The following LYPD6 variants were observed in gnomAD, a reference collection of about 807,000 sequenced individuals.
LYPD6 encodes the protein LY6/PLAUR domain containing 6, also known as ly6/PLAUR domain-containing protein 6.
In LYPD6, 15 loss-of-function variants were observed where a neutral mutation model predicts 22.7. The observed-to-expected ratio is 0.66, with a 90% CI of 0.44 to 1.02. LYPD6 has a LOEUF of 1.02. Among genes scored for constraint, LYPD6 ranks in the 50% least tolerant of loss-of-function variants. The probability of loss-of-function intolerance (pLI) is 0.00; values close to 1 mark genes in which losing one functional copy is unlikely to be tolerated. For missense variants in LYPD6, 189 were observed against 208.4 expected (o/e 0.91, Z 0.57); for synonymous variants, 72 against 77.5 (o/e 0.93, Z 0.37).
At chr2:149,349,635 A>G (rs1681323278) in intron 1 of LYPD6, among the ~76,000 whole-genome samples, 1 of 152,182 alleles carries the variant, frequency 6.6e-6, no homozygotes, top group Non-Finnish European at 1.5e-5. Context: ...GTCCCATTAA[A>G]TTTTTTAACA....
chr2:149,333,840 G>A (rs1680983539), intron 1 of LYPD6, among the ~76,000 whole-genome samples: 1 of 152,170 alleles, frequency 6.6e-6, no homozygotes. Flanking sequence ...ACAGATTGCA[G>A]CATGTAATGA....
At chr2:149,460,151 A>G (rs543827370) in intron 3 of LYPD6, among the ~76,000 whole-genome samples, 222 of 152,288 alleles carry the variant, frequency 1.5e-3, no homozygotes, top group African/African-American at 4.8e-3. Context: ...CAAAAACAAG[A>G]CAGAAAATAA....
chr2:149,360,922 C>G (rs1681560159), intron 1 of LYPD6, among the ~76,000 whole-genome samples: 1 of 152,012 alleles, frequency 6.6e-6, no homozygotes, highest in Non-Finnish European at 1.5e-5. Context: ...CCTGGGACAC[C>G]CTTCATCACC....
chr2:149,389,539 C>T (rs1414760056), intron 1 of LYPD6, among the ~76,000 whole-genome samples: 1 of 152,094 alleles, frequency 6.6e-6, no homozygotes, highest in Non-Finnish European at 1.5e-5. Context: ...CCTGAGGGAA[C>T]ATCTGTGGTT....
At chr2:149,445,248 C>T (rs968468543) in intron 2 of LYPD6, among the ~76,000 whole-genome samples, 5 of 152,156 alleles carry the variant, frequency 3.3e-5, no homozygotes, top group African/African-American at 1.2e-4. Context: ...TGCTGTCATC[C>T]AGGCTTTGTT....
At chr2:149,330,566 C>T (rs1431151319), upstream of LYPD6, 6 of 150,906 alleles carry the variant, frequency 4.0e-5, no homozygotes, top group African/African-American at 9.7e-5. Context: ...AGCCGCCCCC[C>T]GCCTCTCCCC....
At chr2:149,372,311 A>G (rs1681829153) in intron 1 of LYPD6, among the ~76,000 whole-genome samples, 1 of 152,184 alleles carries the variant, frequency 6.6e-6, no homozygotes, top group African/African-American at 2.4e-5. Context: ...CTATAACCGT[A>G]TACTTTGCTT....
At chr2:149,450,270 C>G (rs1683777807) in intron 3 of LYPD6, among the ~76,000 whole-genome samples, 2 of 152,202 alleles carry the variant, frequency 1.3e-5, no homozygotes, top group Admixed American at 1.3e-4. Flanking sequence ...ACCCACATTT[C>G]TGATTCAGTG....
downstream of LYPD6, among the ~76,000 whole-genome samples, chr2:149,475,081 C>G (rs1249004948): frequency 1.3e-5 from 2 of 152,144 alleles, no homozygotes; most frequent in Non-Finnish European, 2.9e-5. Context: ...TATCCCTTTC[C>G]TAACACATTT....
At chr2:149,379,043 T>C (rs755383793) in intron 1 of LYPD6, among the ~76,000 whole-genome samples, 7 of 152,214 alleles carry the variant, frequency 4.6e-5, no homozygotes, top group Non-Finnish European at 1.0e-4. Flanking sequence ...GAAGAAGTTA[T>C]GAATTCACCG....
chr2:149,483,167 C>T, the LYPD6 span, among the ~76,000 whole-genome samples: 1 of 152,188 alleles, frequency 6.6e-6, no homozygotes, highest in Non-Finnish European at 1.5e-5. Context: ...TGTCAGGAGC[C>T]TGCCTTTGTC....
At chr2:149,408,291 T>C (rs1682771241) in intron 1 of LYPD6, among the ~76,000 whole-genome samples, 1 of 152,166 alleles carries the variant, frequency 6.6e-6, no homozygotes, top group African/African-American at 2.4e-5. Context: ...ATTTTCAATA[T>C]GTTTTTCTTT....
At chr2:149,484,293 T>C in the LYPD6 span, among the ~76,000 whole-genome samples, 1 of 152,204 alleles carries the variant, frequency 6.6e-6, no homozygotes, top group Non-Finnish European at 1.5e-5. Context: ...CTGTACCTTA[T>C]TGAAAAATAA....
At chr2:149,351,112 A>G (rs1486997933) in intron 1 of LYPD6, among the ~76,000 whole-genome samples, 1 of 152,218 alleles carries the variant, frequency 6.6e-6, no homozygotes, top group African/African-American at 2.4e-5. Context: ...AAAATAGCCT[A>G]GGCTGGGTAT....
intron 1 of LYPD6, among the ~76,000 whole-genome samples, chr2:149,405,551 G>A (rs2105114634): frequency 6.6e-6 from 1 of 152,284 alleles, no homozygotes; most frequent in South Asian, 2.1e-4. Context: ...TGTGATGGTA[G>A]TTTGTATTTC....
chr2:149,367,035 T>A (rs569528097), intron 1 of LYPD6, among the ~76,000 whole-genome samples: 1 of 152,306 alleles, frequency 6.6e-6, no homozygotes, highest in African/African-American at 2.4e-5. Flanking sequence ...AACAAAAGTT[T>A]TTTTTTTCTT....
At chr2:149,452,760 G>A (rs1037719461) in intron 3 of LYPD6, among the ~76,000 whole-genome samples, 5 of 152,198 alleles carry the variant, frequency 3.3e-5, no homozygotes, top group African/African-American at 4.8e-5. Flanking sequence ...GAGACATAGT[G>A]TATCTTAGCG....
chr2:149,451,027 G>A (rs969816188), intron 3 of LYPD6, among the ~76,000 whole-genome samples: 4 of 152,288 alleles, frequency 2.6e-5, no homozygotes, highest in African/African-American at 7.2e-5. Context: ...TATAGGAAGC[G>A]TGTTTTAGTC....
At chr2:149,439,689 G>A (rs192709676) in intron 2 of LYPD6, among the ~76,000 whole-genome samples, 1,541 of 152,292 alleles carry the variant, frequency 0.01, 17 homozygotes, top group Middle Eastern at 0.024. Context: ...TCTCTATTGG[G>A]AAATTCAATT....
Sources: gnomAD v4.1 joint callset for allele counts (sites outside exome capture counted in the v4.1 genomes callset) on GRCh38, gnomAD v4.1.1 for gene constraint, MANE v1.5 for transcripts, NCBI Gene and HGNC (gene_info 2026-07-23, HGNC 2026-07-21) for gene names.